HMGB1: variants seen among roughly 807,000 people sequenced by gnomAD.
The protein encoded by HMGB1 is high mobility group box 1, also known as high mobility group protein B1.
For missense variants in HMGB1, 79 were observed against 253.5 expected, an observed-to-expected ratio of 0.31 and a Z score of 4.67; for synonymous variants, 81 against 84.0, an observed-to-expected ratio of 0.96 and a Z score of 0.19.
chr13:30,509,526 C>A lies in HMGB1; in HGVS notation c.-14-45832G>T, dbSNP rs115268044. On this transcript the variant is annotated intron_variant, in intron 1 of 4. Coordinates refer to the HMGB1 transcript ENST00000405805. ...GTGTTGGGATTACAGATGTGAGCCA[C>A]CACGCCTGGCCGTGCCCCAATATTC... Among the ~76,000 whole-genome samples the A allele has an allele frequency of 2.9e-3, 437 of 152,244 alleles. 2 individuals carry two copies. Among genetic ancestry groups the A allele is most frequent in the African/African-American group, 0.01 (428 of 41,530 alleles).
intron 1 of HMGB1, among the ~76,000 whole-genome samples, chr13:30,528,296 T>C (rs1888415965): frequency 1.3e-5 from 2 of 152,178 alleles, no homozygotes; most frequent in Admixed American, 1.3e-4. Flanking sequence ...CACAACCAAC[T>C]GGGACCATCA....
chr13:30,512,205 A>T (rs561510985), intron 1 of HMGB1, among the ~76,000 whole-genome samples: 11 of 152,286 alleles, frequency 7.2e-5, no homozygotes, highest in Non-Finnish European at 1.5e-4. Flanking sequence ...TGCTCTGTAA[A>T]TGAGTGACTG....
intron 1 of HMGB1, among the ~76,000 whole-genome samples, chr13:30,486,350 G>A (rs1184374847): frequency 6.6e-6 from 1 of 152,210 alleles, no homozygotes. Context: ...GGATGTTCAA[G>A]TCAATTCTAG....
At chr13:30,606,198 A>G (rs563993369) in intron 1 of HMGB1, among the ~76,000 whole-genome samples, 1 of 152,306 alleles carries the variant, frequency 6.6e-6, no homozygotes, top group African/African-American at 2.4e-5. Context: ...TTCTAGAAGG[A>G]TAGTTTTTTA....
At chr13:30,478,949 A>G (rs1887166011) in intron 1 of HMGB1, among the ~76,000 whole-genome samples, 2 of 149,988 alleles carry the variant, frequency 1.3e-5, no homozygotes, top group African/African-American at 4.9e-5. Flanking sequence ...GCTCACTGCA[A>G]CCTCTGCCTC....
At chr13:30,464,631 C>A in intron 1 of HMGB1, 1 of 984,020 alleles carries the variant, frequency 1.0e-6, no homozygotes, top group South Asian at 4.7e-5. Flanking sequence ...AGAAGCCCCG[C>A]TCGAAATGGG....
At position 30,456,756 on chromosome 13, in the gene HMGB1, T is replaced by TGGGC. The variant is rs1555231062; in HGVS notation, c.*4597_*4600dup. On this transcript the variant is annotated 3_prime_UTR_variant, in exon 5 of 5. Coordinates refer to ENST00000341423, the MANE Select transcript of HMGB1 (RefSeq NM_002128.7). ...TTCACAGCATAAATAACAGCTTTTG[T>TGGGC]GGGCGGGGGGGGGGGGTGGTGGGGT... 4 of 2,556 alleles carry TGGGC rather than the reference T, an allele frequency of 1.6e-3. 1 individual carries two copies. Among genetic ancestry groups the TGGGC allele is most frequent in the African/African-American group, 5.3e-3 (4 of 748 alleles). 0.2% of individuals were successfully genotyped at this position (2,556 alleles called of 1,614,324 possible). A position where few individuals can be genotyped will look rare whatever the true frequency, so the allele number is the denominator to read the frequency against.
chr13:30,605,109 A>G (rs543558881), intron 1 of HMGB1, among the ~76,000 whole-genome samples: 61 of 152,296 alleles, frequency 4.0e-4, no homozygotes, highest in Non-Finnish European at 8.4e-4. Flanking sequence ...GTGGAATAGC[A>G]GGTAAATAGC....
Position 30,589,194 on chromosome 13 carries a change from G to A in HMGB1, c.-15+27477C>T, listed in dbSNP as rs190762583. On this transcript the variant is annotated intron_variant, in intron 1 of 4. Coordinates refer to the HMGB1 transcript ENST00000405805. Reference sequence around the variant, plus strand: ...CTAATTTTGTATTTTTAGTAGAGATGGGGTTTCTCCATGTTGGTCAGGCTG... The same window carrying A: ...CTAATTTTGTATTTTTAGTAGAGATAGGGTTTCTCCATGTTGGTCAGGCTG... 3.5e-3 allele frequency among the ~76,000 whole-genome samples: 533 copies of A among 151,980 alleles called. 2 individuals are homozygous for A. Among genetic ancestry groups the A allele is most frequent in the African/African-American group, 0.011 (457 of 41,514 alleles).
intron 1 of HMGB1, among the ~76,000 whole-genome samples, chr13:30,545,039 AT>A (rs554405335): frequency 1.3e-5 from 2 of 151,572 alleles, no homozygotes; most frequent in Non-Finnish European, 2.9e-5. Context: ...TAAAAAAACT[AT>A]TTTTTTTCTT....
chr13:30,552,670 A>C (rs536367221), intron 1 of HMGB1, among the ~76,000 whole-genome samples: 1 of 152,318 alleles, frequency 6.6e-6, no homozygotes, highest in South Asian at 2.1e-4. Flanking sequence ...CTATCACTTC[A>C]TATACTACCC....
intron 1 of HMGB1, among the ~76,000 whole-genome samples, chr13:30,582,636 TA>T (rs34280376): frequency 4.8e-4 from 65 of 136,178 alleles, no homozygotes; most frequent in Middle Eastern, 3.7e-3. Context: ...AGACTCCATC[TA>T]AAAAAAAAAA....
chr13:30,597,233 G>T (rs1871655273), intron 1 of HMGB1, among the ~76,000 whole-genome samples: 1 of 151,522 alleles, frequency 6.6e-6, no homozygotes, highest in Admixed American at 6.6e-5. Flanking sequence ...TAAAAAAAAG[G>T]AAATTTGGAT....
chr13:30,555,266 C>T (rs1869636611), intron 1 of HMGB1, among the ~76,000 whole-genome samples: 1 of 152,068 alleles, frequency 6.6e-6, no homozygotes, highest in African/African-American at 2.4e-5. Context: ...TGGTCTCGAT[C>T]TCCTGACCTC....
At chr13:30,587,825 G>C (rs1449316082) in intron 1 of HMGB1, among the ~76,000 whole-genome samples, 1 of 152,178 alleles carries the variant, frequency 6.6e-6, no homozygotes. Flanking sequence ...TGGAAAAAGG[G>C]TAACAGAGAG....
rs867088175 is a variant in HMGB1, at chr13:30,605,363, T to C, written c.-15+11308A>G. Among the ~76,000 whole-genome samples, 4 of 152,194 alleles carry C rather than the reference T, an allele frequency of 2.6e-5. No individual in the cohort carries two copies. The South Asian group carries it at 8.3e-4, about 32-fold the overall frequency. ...AGGTGATTTAGGAACTAAACACAAA[T>C]TGAGACGAGATCCGAGCCCAGAGGC... is the stretch of plus-strand genomic sequence containing the variant. On this transcript the variant is annotated intron_variant, in intron 1 of 4. Transcript: ENST00000405805.
intron 4 of HMGB1, 142 bp downstream of exon 4, chr13:30,462,396 C>A (rs1313945096): frequency 2.5e-6 from 2 of 787,154 alleles, no homozygotes. Context: ...TGGTCCTCTG[C>A]ATTCTTTGAA....
intron 1 of HMGB1, among the ~76,000 whole-genome samples, chr13:30,528,750 C>T (rs1046825939): frequency 6.6e-6 from 1 of 151,978 alleles, no homozygotes; most frequent in Non-Finnish European, 1.5e-5. Flanking sequence ...ATTTTGGGGC[C>T]GGGCGCGGTG....
chr13:30,558,674 C>A (rs190777552), intron 1 of HMGB1, among the ~76,000 whole-genome samples: 5 of 152,286 alleles, frequency 3.3e-5, no homozygotes, highest in Non-Finnish European at 5.9e-5. Context: ...GACATTCTGA[C>A]AGATAGAATC....
Sources: gnomAD v4.1 joint callset for allele counts (sites outside exome capture counted in the v4.1 genomes callset) on GRCh38, gnomAD v4.1.1 for gene constraint, MANE v1.5 for transcripts, NCBI Gene and HGNC (gene_info 2026-07-23, HGNC 2026-07-21) for gene names.